Variants in DLC1 observed in about 807,000 individuals in gnomAD.
DLC1 encodes the protein rho GTPase-activating protein 7.
Under a neutral mutation model 140.3 loss-of-function variants are expected in DLC1, and 54 were observed. The ratio of observed to expected loss-of-function variants is 0.38; its 90% CI spans 0.31 to 0.48. The LOEUF is 0.48. Among genes scored for constraint, DLC1 ranks in the 20% least tolerant of loss-of-function variants. The probability of loss-of-function intolerance (pLI) is 0.96; values close to 1 mark genes in which losing one functional copy is unlikely to be tolerated. For synonymous variants in DLC1, 986 were observed against 728.1 expected, an observed-to-expected ratio of 1.35 and a Z score of -5.70; for missense variants, 2,536 against 1,907.0, an observed-to-expected ratio of 1.33 and a Z score of -6.14.
At chr8:13,366,622 T>C (rs1835492677) in intron 4 of DLC1, among the ~76,000 whole-genome samples, 1 of 152,162 alleles carries the variant, frequency 6.6e-6, no homozygotes, top group South Asian at 2.1e-4. Context: ...CAACAAAAAA[T>C]TTAGAAATCT....
intron 4 of DLC1, among the ~76,000 whole-genome samples, chr8:13,306,503 C>A (rs1345191001): frequency 1.3e-5 from 2 of 151,664 alleles, no homozygotes; most frequent in African/African-American, 4.8e-5. Flanking sequence ...GGACAACATC[C>A]TCAGAGTTGA....
chr8:13,228,432 A>C (rs73560324), intron 5 of DLC1, among the ~76,000 whole-genome samples: 1 of 152,184 alleles, frequency 6.6e-6, no homozygotes, highest in Non-Finnish European at 1.5e-5. Flanking sequence ...CAATTATAAA[A>C]AGACAAACCA....
chr8:13,113,071 T>TA (rs1440427000), intron 6 of DLC1, among the ~76,000 whole-genome samples: 1 of 152,210 alleles, frequency 6.6e-6, no homozygotes, highest in Admixed American at 6.5e-5. Context: ...TAACAATTTT[T>TA]AAAAAATCTG....
chr8:13,525,751 C>A (rs1176869974), intron 1 of DLC1, among the ~76,000 whole-genome samples: 1 of 152,128 alleles, frequency 6.6e-6, no homozygotes, highest in Non-Finnish European at 1.5e-5. Flanking sequence ...GCAAATATTT[C>A]TTCTAGTCTA....
At chr8:13,422,104 T>G (rs931661736) in intron 2 of DLC1, among the ~76,000 whole-genome samples, 4 of 152,120 alleles carry the variant, frequency 2.6e-5, no homozygotes, top group Non-Finnish European at 5.9e-5. Context: ...TCAGAGAGCT[T>G]AAGAAAAATA....
intron 2 of DLC1, among the ~76,000 whole-genome samples, chr8:13,466,766 G>A (rs570915469): frequency 3.8e-4 from 58 of 152,216 alleles, no homozygotes; most frequent in Admixed American, 8.5e-4. Context: ...AAAGTTCTAT[G>A]TACATTAGAT....
intron 4 of DLC1, among the ~76,000 whole-genome samples, chr8:13,355,469 T>G (rs916408658): frequency 2.0e-5 from 3 of 152,156 alleles, no homozygotes; most frequent in Admixed American, 6.5e-5. Context: ...AAGTTTCAGA[T>G]CAAGGTCTGG....
intron 4 of DLC1, among the ~76,000 whole-genome samples, chr8:13,344,771 T>C (rs980396159): frequency 6.6e-6 from 1 of 152,140 alleles, no homozygotes; most frequent in Non-Finnish European, 1.5e-5. Context: ...ATATTTAGAT[T>C]TTTTTCCTTG....
intron 13 of DLC1, among the ~76,000 whole-genome samples, chr8:13,092,039 G>A (rs1011523499): frequency 6.6e-6 from 1 of 152,180 alleles, no homozygotes; most frequent in African/African-American, 2.4e-5. Context: ...AAGGTCAGGA[G>A]CTCGAGACCA....
At chr8:13,162,446 C>T (rs1277301269) in intron 5 of DLC1, among the ~76,000 whole-genome samples, 8 of 152,146 alleles carry the variant, frequency 5.3e-5, no homozygotes, top group Non-Finnish European at 1.2e-4. Flanking sequence ...CCTCAGCCTT[C>T]TGAGTAGCTG....
chr8:13,592,581 AT>A (rs1166466820), intron 1 of DLC1, among the ~76,000 whole-genome samples: 1 of 152,034 alleles, frequency 6.6e-6, no homozygotes, highest in African/African-American at 2.4e-5. Context: ...TCCAAAACAT[AT>A]TTTGGTGACT....
chr8:13,216,728 GGTCT>G (rs1828217200), intron 5 of DLC1, among the ~76,000 whole-genome samples: 1 of 151,650 alleles, frequency 6.6e-6, no homozygotes, highest in South Asian at 2.1e-4. Flanking sequence ...TTGTTGTGGG[GGTCT>G]GTCCTGTGCA....
intron 1 of DLC1, among the ~76,000 whole-genome samples, chr8:13,579,680 G>A (rs998546173): frequency 2.8e-5 from 4 of 140,420 alleles, no homozygotes; most frequent in African/African-American, 1.1e-4. Flanking sequence ...ATGTATGTAT[G>A]TATATTTATA....
At chr8:13,114,720 T>G (rs1407966436) in intron 6 of DLC1, among the ~76,000 whole-genome samples, 1 of 152,164 alleles carries the variant, frequency 6.6e-6, no homozygotes, top group East Asian at 1.9e-4. Context: ...AAGCATAATG[T>G]GAGCAAACAA....
rs184892007 is a variant in DLC1 at position 13,218,940 on chromosome 8, G to T, written c.1348+86329C>A. Among the ~76,000 whole-genome samples, 235 of 30,616 alleles carry T rather than the reference G, an allele frequency of 7.7e-3. 2 individuals carry two copies. Among genetic ancestry groups the T allele is most frequent in the African/African-American group, 0.052 (218 of 4,202 alleles). The allele number at this position is 30,616 out of a possible 152,430, so 20.1% of individuals were successfully genotyped here. On this transcript the variant is annotated intron_variant, in intron 5 of 17. Transcript: ENST00000276297. ...TAATTATATAATTACGTACGAATAT[G>T]ATTATATAATTATATACGTATATAA...
chr8:13,359,406 A>G (rs995023193), intron 4 of DLC1, among the ~76,000 whole-genome samples: 22 of 152,206 alleles, frequency 1.4e-4, no homozygotes, highest in African/African-American at 5.1e-4. Context: ...TCTTACTTCA[A>G]AAGACTTGGG....
At chr8:13,334,603 ACAT>A (rs1833744968) in intron 4 of DLC1, among the ~76,000 whole-genome samples, 2 of 152,158 alleles carry the variant, frequency 1.3e-5, no homozygotes, top group South Asian at 4.1e-4. Context: ...CAAGAGGAAA[ACAT>A]CAGGAGTTAT....
chr8:13,316,380 G>T (rs553666466), intron 4 of DLC1, among the ~76,000 whole-genome samples: 1 of 152,152 alleles, frequency 6.6e-6, no homozygotes, highest in African/African-American at 2.4e-5. Flanking sequence ...ATTGTATAAA[G>T]CTACAATTAT....
At chr8:13,367,446 C>A (rs1167175988) in intron 4 of DLC1, among the ~76,000 whole-genome samples, 1 of 152,068 alleles carries the variant, frequency 6.6e-6, no homozygotes, top group East Asian at 1.9e-4. Context: ...CATTAGGGGG[C>A]CCAATAGAAG....
Sources: allele counts gnomAD v4.1 joint callset (sites outside exome capture counted in the v4.1 genomes callset), GRCh38; gene constraint gnomAD v4.1.1; transcripts MANE v1.5; gene names NCBI Gene and HGNC (gene_info 2026-07-23, HGNC 2026-07-21).